CHORDC1: variants seen among roughly 807,000 people sequenced by gnomAD.
CHORDC1 encodes the protein cysteine and histidine rich domain containing 1.
In CHORDC1, 25 loss-of-function variants were observed where a neutral mutation model predicts 48.3. The observed-to-expected ratio is 0.52, with a 90% CI of 0.38 to 0.72. CHORDC1 has a LOEUF of 0.72. CHORDC1 is among the 30% of genes least tolerant of loss of function. The pLI is 0.00. For synonymous variants in CHORDC1, 128 were observed against 126.4 expected, an observed-to-expected ratio of 1.01 and a Z score of -0.09; for missense variants, 317 against 388.7, an observed-to-expected ratio of 0.82 and a Z score of 1.55.
intron 1 of CHORDC1, among the ~76,000 whole-genome samples, chr11:90,221,969 G>A (rs917866616): frequency 2.6e-5 from 4 of 152,102 alleles, no homozygotes; most frequent in Non-Finnish European, 4.4e-5. Flanking sequence ...CATTACATGC[G>A]TCCCAGGGTG....
intron 2 of CHORDC1, among the ~76,000 whole-genome samples, chr11:90,215,433 A>G (rs948103968): frequency 6.6e-6 from 1 of 152,090 alleles, no homozygotes; most frequent in African/African-American, 2.4e-5. Context: ...AACCAATGTT[A>G]AAGTGATTTG....
chr11:90,202,928 T>C (rs1857578035), intron 9 of CHORDC1, 53 bp from the exon 10 acceptor site: 1 of 1,508,040 alleles, frequency 6.6e-7, no homozygotes, highest in African/African-American at 1.4e-5. Context: ...AGATTTATGC[T>C]ATCAAACACT....
At chr11:90,216,757 TG>T (rs1858022784) in intron 2 of CHORDC1, among the ~76,000 whole-genome samples, 1 of 152,138 alleles carries the variant, frequency 6.6e-6, no homozygotes, top group African/African-American at 2.4e-5. Flanking sequence ...AGACTACTTT[TG>T]GAATAAACGG....
chr11:90,218,922 G>A (rs576254942), intron 1 of CHORDC1, among the ~76,000 whole-genome samples: 33 of 150,864 alleles, frequency 2.2e-4, no homozygotes, highest in African/African-American at 7.6e-4. Flanking sequence ...CCTTCCCCAA[G>A]TGTGCATTTT....
chr11:90,216,211 T>A (rs1284831094), intron 2 of CHORDC1, among the ~76,000 whole-genome samples: 4 of 152,170 alleles, frequency 2.6e-5, no homozygotes, highest in Non-Finnish European at 5.9e-5. Context: ...TTTACTGTCT[T>A]AATCATGTAC....
At chr11:90,213,462 A>G in intron 4 of CHORDC1, 1 of 683,996 alleles carries the variant, frequency 1.5e-6, no homozygotes, top group Non-Finnish European at 2.7e-6. Context: ...GTGGGAATAC[A>G]GAGTCTGGTT....
chr11:90,202,795 T>C lies in CHORDC1; in HGVS notation c.852+18A>G, dbSNP rs757521571. ...TAAGTTATCAGAAAAAAAATTCTTA[T>C]AAATTTGTAATACTTACACCCCATA... is the stretch of plus-strand genomic sequence containing the variant. On this transcript the variant is annotated intron_variant, in intron 10 of 10. Coordinates refer to ENST00000320585, the MANE Select transcript of CHORDC1 (RefSeq NM_012124.3). The C allele has an allele frequency of 3.2e-6, 5 of 1,577,174 alleles. No homozygotes were observed. The African/African-American group carries it at 5.5e-5, about 17-fold the overall frequency.
chr11:90,213,936 C>T (rs1857935623), intron 4 of CHORDC1, 82 bp downstream of exon 4: 3 of 1,182,588 alleles, frequency 2.5e-6, no homozygotes, highest in African/African-American at 1.6e-5. Context: ...CAAATGGTAT[C>T]ATGCTAAATC....
chr11:90,205,508 G>A lies in CHORDC1; in HGVS notation c.621C>T (p.Ala207=), dbSNP rs745637964. 15 of 1,604,068 alleles carry A rather than the reference G, an allele frequency of 9.4e-6. No homozygotes were observed. In the South Asian group the frequency reaches 1.6e-4, roughly 17 times the overall value. Residue 207 remains alanine, a synonymous_variant, in exon 8 of 11, where the codon GCC becomes GCT. Coordinates refer to ENST00000320585, the MANE Select transcript of CHORDC1 (RefSeq NM_012124.3). ...GTTTCCCTTTTGTACAGCCCTCTTGGGCTAAGAATGTATTAAAATCAGAAG... is the reference window on the plus strand; with the variant it reads ...GTTTCCCTTTTGTACAGCCCTCTTGAGCTAAGAATGTATTAAAATCAGAAG... The part of the protein sequence containing the change: ...RKTSDFNTFL[A]QEGCTKGKHM...
At chr11:90,212,063 G>C (rs1437798927) in intron 4 of CHORDC1, 1 of 152,216 alleles carries the variant, frequency 6.6e-6, no homozygotes, top group East Asian at 1.9e-4. Context: ...GCTGAGGCAA[G>C]AGGACTGCTT....
chr11:90,208,568 A>C (rs1857770821), intron 6 of CHORDC1: 1 of 152,222 alleles, frequency 6.6e-6, no homozygotes, highest in Non-Finnish European at 1.5e-5. Flanking sequence ...AGCTACATGC[A>C]ACAAAGATAA....
Position 90,210,570 on chromosome 11 carries a change from ATC to A in CHORDC1, c.456_457del (p.Lys152AsnfsTer6). The A allele has an allele frequency of 6.3e-7, 1 of 1,591,502 alleles. No homozygotes were observed. ...CCCTCCATTCTTACATGAGGTCCCA[ATC>A]TTAATTTCATCATTGTCTTCTTCTG... On this transcript the variant is annotated frameshift_variant, in exon 6 of 11. Transcript: ENST00000320585. LOFTEE classifies it high-confidence loss of function.
At chr11:90,217,661 A>T (rs190351811) in intron 2 of CHORDC1, 1 of 152,404 alleles carries the variant, frequency 6.6e-6, no homozygotes. Flanking sequence ...GCACTTTGGG[A>T]GGCTGAGGCA....
chr11:90,205,763 G>A, intron 7 of CHORDC1, 198 bp from the exon 8 acceptor site: 1 of 549,762 alleles, frequency 1.8e-6, no homozygotes, highest in Non-Finnish European at 3.2e-6. Context: ...TTTTTACACA[G>A]TGCTGCATTT....
At chr11:90,203,623 T>C (rs897624880) in intron 8 of CHORDC1, among the ~76,000 whole-genome samples, 196 bp from the exon 9 acceptor site, 27 of 152,190 alleles carry the variant, frequency 1.8e-4, no homozygotes, top group Admixed American at 1.7e-3. Context: ...TCTTCATAAA[T>C]TTTATGATTT....
intron 8 of CHORDC1, among the ~76,000 whole-genome samples, chr11:90,205,199 A>G (rs1184793264): frequency 6.6e-6 from 1 of 152,216 alleles, no homozygotes; most frequent in Non-Finnish European, 1.5e-5. Context: ...AAAGAAGACA[A>G]AAATTCTTCA....
Position 90,205,581 on chromosome 11 carries a change from G to C in CHORDC1, c.564-16C>G, listed in dbSNP as rs375341359. ...GTATTTCATCCTTTAAATTATCACA[G>C]AAAAACTTCAGAAATAAAATCTCAC... is the stretch of plus-strand genomic sequence containing the variant. On this transcript the variant is annotated splice_polypyrimidine_tract_variant and intron_variant, in intron 7 of 10. Coordinates refer to ENST00000320585, the MANE Select transcript of CHORDC1 (RefSeq NM_012124.3). 6.9e-7 allele frequency: 1 copy of C among 1,452,110 alleles called. No homozygotes were observed. Among genetic ancestry groups the C allele is most frequent in the Admixed American group, 2.2e-5 (1 of 45,952 alleles). The allele number at this position is 1,452,110 out of a possible 1,614,324, so 90.0% of individuals were successfully genotyped here.
chr11:90,209,955 TCTAC>T lies in CHORDC1; in HGVS notation c.492+577_492+580del, dbSNP rs144197177. 4.4e-3 allele frequency among the ~76,000 whole-genome samples: 666 copies of T among 152,300 alleles called. 2 individuals are homozygous for T. The highest frequency in any genetic ancestry group is 0.015 in the African/African-American group (620 of 41,570). On this transcript the variant is annotated intron_variant, in intron 6 of 10. Coordinates refer to ENST00000320585, the MANE Select transcript of CHORDC1 (RefSeq NM_012124.3). ...GCTTAAAAGAACCACCATAATTCTG[TCTAC>T]CTGTCTTACCTGCTACCCTTGCCCA...
At chr11:90,213,904 T>C (rs554635252) in intron 4 of CHORDC1, 114 bp downstream of exon 4, 2 of 883,316 alleles carry the variant, frequency 2.3e-6, no homozygotes, top group South Asian at 1.9e-5. Context: ...GGTTCAAAGC[T>C]TGGTGGCCTA....
Sources: gnomAD v4.1 joint callset for allele counts (sites outside exome capture counted in the v4.1 genomes callset) on GRCh38, gnomAD v4.1.1 for gene constraint, MANE v1.5 for transcripts, NCBI Gene and HGNC (gene_info 2026-07-23, HGNC 2026-07-21) for gene names.